PLCE1: variants seen among roughly 807,000 people sequenced by gnomAD.
PLCE1 encodes the protein 1-phosphatidylinositol 4,5-bisphosphate phosphodiesterase epsilon-1.
A neutral mutation model predicts 242.8 loss-of-function variants in PLCE1; 119 were observed. That is an observed-to-expected ratio of 0.49 (90% confidence interval 0.42 to 0.57). PLCE1 has a LOEUF of 0.57. Ranked by LOEUF, PLCE1 falls within the 20% of genes least tolerant of loss-of-function variation. The pLI is 0.00. For missense variants in PLCE1, 2,441 were observed against 2,788.8 expected (o/e 0.88, Z 2.81); for synonymous variants, 945 against 1,017.4 (o/e 0.93, Z 1.35).
intron 2 of PLCE1, among the ~76,000 whole-genome samples, chr10:94,059,269 A>G (rs1247828175): frequency 7.2e-5 from 11 of 152,218 alleles, no homozygotes; most frequent in African/African-American, 2.7e-4. Context: ...TAGTGGACAG[A>G]TGGATCAGAA....
chr10:94,177,600 C>G (rs1235730315), intron 4 of PLCE1, among the ~76,000 whole-genome samples: 2 of 152,160 alleles, frequency 1.3e-5, no homozygotes, highest in East Asian at 1.9e-4. Flanking sequence ...GGTGGAGCAG[C>G]CTCACTTCTT....
In PLCE1 at chr10:94,303,304, C is replaced by T. The variant is rs114887964; in HGVS notation, c.5459-1178C>T. ...GGAGTATTCATCAGGTGTGTCTCAT[C>T]AACTTTTTGCTCATTTGGGTAACTT... On this transcript the variant is annotated intron_variant, in intron 24 of 32. Coordinates refer to ENST00000371380, the MANE Select transcript of PLCE1 (RefSeq NM_016341.4). Among the ~76,000 whole-genome samples, 321 of 152,312 alleles carry T rather than the reference C, an allele frequency of 2.1e-3. 1 individual carries two copies. Among genetic ancestry groups the T allele is most frequent in the African/African-American group, 7.2e-3 (301 of 41,572 alleles).
chr10:94,123,198 G>A (rs2046346244), intron 2 of PLCE1, among the ~76,000 whole-genome samples: 1 of 152,146 alleles, frequency 6.6e-6, no homozygotes, highest in Non-Finnish European at 1.5e-5. Context: ...CATGGAGGAG[G>A]TAAAATTTTA....
chr10:94,258,777 T>G, intron 11 of PLCE1, 23 bp from the exon 12 acceptor site: 1 of 1,614,012 alleles, frequency 6.2e-7, no homozygotes, highest in Non-Finnish European at 8.5e-7. Flanking sequence ...CTTGTGCCCA[T>G]GAAGGCCTTG....
At chr10:94,182,535 G>T (rs1021995386) in intron 4 of PLCE1, among the ~76,000 whole-genome samples, 7 of 151,712 alleles carry the variant, frequency 4.6e-5, no homozygotes, top group Admixed American at 1.3e-4. Flanking sequence ...CTCCCAAAGT[G>T]CTGGGATTAT....
At chr10:94,110,058 CTTTT>C (rs33974566) in intron 2 of PLCE1, among the ~76,000 whole-genome samples, 1 of 75,886 alleles carries the variant, frequency 1.3e-5, no homozygotes, top group Non-Finnish European at 2.3e-5. Flanking sequence ...TTTCTTTTTT[CTTTT>C]TTTTTTTTTT....
intron 2 of PLCE1, among the ~76,000 whole-genome samples, chr10:94,074,950 T>C (rs1021637936): frequency 1.4e-4 from 21 of 152,212 alleles, no homozygotes; most frequent in Non-Finnish European, 2.9e-5. Flanking sequence ...GCCTTGTAAA[T>C]GTGGGTCTAC....
chr10:94,254,102 T>C (rs1048223292), intron 9 of PLCE1, 88 bp from the exon 10 acceptor site: 1 of 916,782 alleles, frequency 1.1e-6, no homozygotes, highest in Non-Finnish European at 1.8e-6. Context: ...TGAAGGTGGG[T>C]AGGTCAGAAA....
chr10:94,172,909 G>C (rs2048026253), intron 4 of PLCE1, among the ~76,000 whole-genome samples: 1 of 152,222 alleles, frequency 6.6e-6, no homozygotes, highest in Non-Finnish European at 1.5e-5. Flanking sequence ...GATGATGGTT[G>C]TAAATGTCAG....
At position 94,328,765 on chromosome 10, in the gene PLCE1, G is replaced by GAAAT. The variant is rs1420756216; in HGVS notation, c.*825_*828dup. ...CCTCTTTAGGATTTTTTTACATATA[G>GAAAT]AAATAATATTGGGTTTTTTTTAAGG... On this transcript the variant is annotated 3_prime_UTR_variant, in exon 33 of 33. Transcript: ENST00000371380. 13 of 152,180 alleles carry GAAAT rather than the reference G, an allele frequency of 8.5e-5. No individual in the cohort carries two copies. Among genetic ancestry groups the GAAAT allele is most frequent in the African/African-American group, 9.6e-5 (4 of 41,528 alleles). 9.4% of individuals were successfully genotyped at this position (152,180 alleles called of 1,614,324 possible).
At chr10:94,218,851 A>G (rs1224983627) in intron 4 of PLCE1, among the ~76,000 whole-genome samples, 1 of 148,908 alleles carries the variant, frequency 6.7e-6, no homozygotes, top group East Asian at 1.9e-4. Flanking sequence ...CAATTATTAT[A>G]TCAATCATAC....
At chr10:94,166,759 G>GT (rs1160955789) in intron 3 of PLCE1, among the ~76,000 whole-genome samples, 1 of 152,090 alleles carries the variant, frequency 6.6e-6, no homozygotes, top group Non-Finnish European at 1.5e-5. Context: ...TTTCTGACCT[G>GT]TTTTTTATCG....
intron 23 of PLCE1, among the ~76,000 whole-genome samples, chr10:94,294,951 T>C (rs867691307): frequency 1.7e-4 from 25 of 147,152 alleles, no homozygotes; most frequent in Admixed American, 1.0e-3. Context: ...AGTCTTGCTC[T>C]GTCACCCAGG....
intron 2 of PLCE1, among the ~76,000 whole-genome samples, chr10:94,085,637 C>G (rs2044793015): frequency 6.6e-6 from 1 of 152,190 alleles, no homozygotes; most frequent in Admixed American, 6.5e-5. Flanking sequence ...TGCCTGACTT[C>G]CAGGGCTGGC....
At chr10:94,305,062 T>G (rs56141979) in intron 25 of PLCE1, among the ~76,000 whole-genome samples, 3,420 of 152,286 alleles carry the variant, frequency 0.022, 34 homozygotes, top group South Asian at 0.041. Context: ...AATTTAACCT[T>G]TATCATTCCT....
intron 9 of PLCE1, among the ~76,000 whole-genome samples, chr10:94,253,508 C>G (rs1197518802): frequency 6.6e-6 from 1 of 152,136 alleles, no homozygotes; most frequent in Non-Finnish European, 1.5e-5. Flanking sequence ...TGTACACCAC[C>G]ATGCCTGGCT....
chr10:94,116,241 T>A (rs1340604952), intron 2 of PLCE1, among the ~76,000 whole-genome samples: 3 of 152,242 alleles, frequency 2.0e-5, no homozygotes, highest in Non-Finnish European at 1.5e-5. Context: ...TATCCTTTTA[T>A]TTGCTATATC....
chr10:94,219,447 C>G (rs1421461474), intron 4 of PLCE1, among the ~76,000 whole-genome samples: 1 of 152,156 alleles, frequency 6.6e-6, no homozygotes, highest in Non-Finnish European at 1.5e-5. Flanking sequence ...GCAAAGACAG[C>G]TCTCAACAGC....
chr10:94,075,026 A>T (rs1180983599), intron 2 of PLCE1, among the ~76,000 whole-genome samples: 1 of 152,110 alleles, frequency 6.6e-6, no homozygotes, highest in Non-Finnish European at 1.5e-5. Flanking sequence ...GTCTTTGTGG[A>T]TTCCTTTCTC....
Sources: gnomAD v4.1 joint callset for allele counts (sites outside exome capture counted in the v4.1 genomes callset) on GRCh38, gnomAD v4.1.1 for gene constraint, MANE v1.5 for transcripts, NCBI Gene and HGNC (gene_info 2026-07-23, HGNC 2026-07-21) for gene names.